Variants in TASOR observed in about 807,000 individuals in gnomAD.
The protein encoded by TASOR is protein TASOR.
In TASOR, 53 loss-of-function variants were observed where a neutral mutation model predicts 178.6. The ratio of observed to expected loss-of-function variants is 0.30; its 90% CI spans 0.24 to 0.37. The LOEUF (loss-of-function observed/expected upper bound fraction) is 0.37, where lower values mean the gene tolerates loss of function less well. Among genes scored for constraint, TASOR ranks in the 10% least tolerant of loss-of-function variants. The pLI, the probability that TASOR is intolerant of heterozygous loss-of-function variation, is 1.00. For synonymous variants in TASOR, 713 were observed against 696.2 expected (o/e 1.02, Z -0.38); for missense variants, 1,815 against 1,971.4 (o/e 0.92, Z 1.50).
At chr3:56,653,350 G>GAA (rs35828332) in intron 11 of TASOR, among the ~76,000 whole-genome samples, 7 of 132,048 alleles carry the variant, frequency 5.3e-5, no homozygotes, top group Non-Finnish European at 1.1e-4. Context: ...TAATTTTCCA[G>GAA]AAAAAAAGAC....
At chr3:56,642,118 T>C (rs984653831) in intron 14 of TASOR, among the ~76,000 whole-genome samples, 1 of 152,246 alleles carries the variant, frequency 6.6e-6, no homozygotes, top group African/African-American at 2.4e-5. Context: ...TAGGATTATA[T>C]GTGTATTACA....
At chr3:56,648,625 CTG>C (rs1244547484) in intron 13 of TASOR, among the ~76,000 whole-genome samples, 195 bp downstream of exon 13, 2 of 62,956 alleles carry the variant, frequency 3.2e-5, no homozygotes, top group East Asian at 1.1e-3. Context: ...GAGCAAAACT[CTG>C]TATCAAAAAA....
intron 17 of TASOR, among the ~76,000 whole-genome samples, chr3:56,634,886 A>T (rs182296787): frequency 6.6e-6 from 1 of 152,332 alleles, no homozygotes; most frequent in Non-Finnish European, 1.5e-5. Context: ...GGGGAAAAAT[A>T]TATTTAACTT....
chr3:56,647,168 A>G lies in TASOR; in HGVS notation c.1569T>C (p.Asp523=). 1 of 1,595,782 alleles carries G rather than the reference A, an allele frequency of 6.3e-7. No homozygotes were observed. Among genetic ancestry groups the G allele is most frequent in the Non-Finnish European group, 8.5e-7 (1 of 1,174,938 alleles). Residue 523 remains aspartate, a synonymous_variant, in exon 14 of 24, where the codon GAT becomes GAC. Coordinates refer to ENST00000683822, the MANE Select transcript of TASOR (RefSeq NM_001365635.2). ...GTAAAAACTGAGCTATTTTTAATAC[A>G]TCTGGCATGCTCTCATGCCTCTCCT... ...APQERHESMP[D]VLKIAQFLQF... is the part of the protein sequence containing the mutation.
At chr3:56,638,971 T>C (rs912374036) in intron 16 of TASOR, among the ~76,000 whole-genome samples, 3 of 152,226 alleles carry the variant, frequency 2.0e-5, no homozygotes, top group Non-Finnish European at 4.4e-5. Flanking sequence ...GGTGTCTAAA[T>C]GAGAAACGGT....
chr3:56,671,476 C>T, intron 3 of TASOR, 124 bp downstream of exon 3: 1 of 622,028 alleles, frequency 1.6e-6, no homozygotes, highest in Non-Finnish European at 2.7e-6. Flanking sequence ...CCCATTAAAT[C>T]ATGTATTCCA....
chr3:56,675,240 T>C (rs985561045), intron 1 of TASOR, among the ~76,000 whole-genome samples: 1 of 151,580 alleles, frequency 6.6e-6, no homozygotes, highest in Non-Finnish European at 1.5e-5. Context: ...AGTGGCACGA[T>C]TTTGGTTCAC....
Position 56,631,589 on chromosome 3 carries a change from T to TTTG in TASOR, c.3747+1454_3747+1455insCAA, listed in dbSNP as rs67493878. On this transcript the variant is annotated intron_variant, in intron 18 of 23. Coordinates refer to ENST00000683822, the MANE Select transcript of TASOR (RefSeq NM_001365635.2). The stretch of plus-strand genomic sequence containing the variant: ...GTGTGTGTCTGTGTTTTTTTGTTTT[T>TTTG]TTTTTTTTTTTTGAGATGGAGTCTT... 2.3e-3 allele frequency among the ~76,000 whole-genome samples: 276 copies of TTTG among 120,794 alleles called. 3 individuals carry two copies. Among genetic ancestry groups the TTTG allele is most frequent in the Admixed American group, 6.4e-3 (69 of 10,826 alleles). The allele number at this position is 120,794 out of a possible 152,430, so 79.2% of individuals were successfully genotyped here. A position where few individuals can be genotyped will look rare whatever the true frequency, so the allele number is the denominator to read the frequency against.
chr3:56,663,364 T>C lies in TASOR; in HGVS notation c.1054+177A>G, dbSNP rs570686932. Among the ~76,000 whole-genome samples the C allele has an allele frequency of 3.3e-5, 5 of 152,326 alleles. No homozygotes were observed. In the South Asian group the frequency reaches 1.0e-3, roughly 32 times the overall value. ...CTAAAACCTTTCAGTCTATTCACAGTAGCAGATTTTCAAAGGAGATCTTAT... is the reference window on the plus strand; with the variant it reads ...CTAAAACCTTTCAGTCTATTCACAGCAGCAGATTTTCAAAGGAGATCTTAT... On this transcript the variant is annotated intron_variant, in intron 8 of 23. Transcript: ENST00000683822.
At position 56,646,413 on chromosome 3, in the gene TASOR, T is replaced by G. The variant is rs543189054; in HGVS notation, c.2215+109A>C. ...AATACAACTTTCTTTACAAAAATAG[T>G]GGACAGGCTGAATTTGACCCTCAGG... On this transcript the variant is annotated intron_variant, in intron 14 of 23. Transcript: ENST00000683822. 3 of 837,414 alleles carry G rather than the reference T, an allele frequency of 3.6e-6. No individual in the cohort carries two copies. In the East Asian group the frequency reaches 7.6e-5, roughly 21 times the overall value. 51.9% of individuals were successfully genotyped at this position (837,414 alleles called of 1,614,324 possible). A position where few individuals can be genotyped will look rare whatever the true frequency, so the allele number is the denominator to read the frequency against.
chr3:56,646,657 T>C lies in TASOR; in HGVS notation c.2080A>G (p.Ser694Gly). ...TCTGTGTCTGAGTCCCCACCCACAC[T>C]CTTTTTCCTACACTGAATTAAATTA... The part of the protein sequence containing the change: ...LINLIQCRKK[S>G]VGGDSDTEDM... The change falls in exon 14 of 24, where the codon AGT becomes GGT. Residue 694 changes from serine to glycine, a missense_variant. By Grantham distance (56) the Ser-to-Gly change is moderately conservative. Coordinates refer to ENST00000683822, the MANE Select transcript of TASOR (RefSeq NM_001365635.2). 1.2e-6 allele frequency: 2 copies of C among 1,613,806 alleles called. No individual in the cohort carries two copies. The highest frequency in any genetic ancestry group is 2.2e-5 in the East Asian group (1 of 44,874).
At chr3:56,655,532 G>C (rs6445810) in intron 11 of TASOR, among the ~76,000 whole-genome samples, 93,799 of 151,968 alleles carry the variant, frequency 0.62, 31,561 homozygotes, top group East Asian at 0.96. Context: ...TTTGGGAGGT[G>C]GAGGCATGAG....
intron 21 of TASOR, among the ~76,000 whole-genome samples, chr3:56,626,584 A>T (rs906440880): frequency 6.6e-6 from 1 of 152,100 alleles, no homozygotes; most frequent in Admixed American, 6.5e-5. Context: ...CTCTACTAAA[A>T]ATACAAAAAT....
In TASOR at chr3:56,627,133, T is replaced by A. The variant is rs199831929; in HGVS notation, c.4043A>T (p.Asn1348Ile). 166 of 1,601,962 alleles carry A rather than the reference T, an allele frequency of 1.0e-4. 2 individuals carry two copies. Among genetic ancestry groups the A allele is most frequent in the African/African-American group, 6.6e-4 (49 of 74,596 alleles). The change falls in exon 21 of 24, where the codon AAT (asparagine) becomes ATT (isoleucine). Residue 1348 changes from asparagine (N) to isoleucine (I), a missense_variant. Physicochemically the swap from Asn to Ile is moderately radical, Grantham distance 149. Around this residue, in one of 5 missense-constraint regions of TASOR, gnomAD observed 134 missense variants for 195.2 expected, o/e 0.69. Coordinates refer to ENST00000683822, the MANE Select transcript of TASOR (RefSeq NM_001365635.2). ...AAGTTCCTCAAGGAATGTCAAAAAA[T>A]TTTTAAGGTTCTCTGTTAGAGATAA... ...PEVVTVENLK[N>I]FLTFLEELST...
intron 8 of TASOR, 48 bp from the exon 9 acceptor site, chr3:56,662,538 G>T: frequency 1.1e-6 from 1 of 905,064 alleles, no homozygotes; most frequent in Non-Finnish European, 1.7e-6. Flanking sequence ...TGGCAGCCCA[G>T]AGAAGTGAGT....
rs546548226 is a variant in TASOR, at chr3:56,623,612, T to C, written c.4484-46A>G. 5 of 1,540,214 alleles carry C rather than the reference T, an allele frequency of 3.2e-6. No individual in the cohort carries two copies. The African/African-American group carries it at 6.9e-5, about 21-fold the overall frequency. On this transcript the variant is annotated intron_variant, in intron 23 of 23. Coordinates refer to ENST00000683822, the MANE Select transcript of TASOR (RefSeq NM_001365635.2). ...GTCCTCCTCTATTGAAATACACAGT[T>C]TGTTTAAGTTTTAAAATTATACACT... is the stretch of plus-strand genomic sequence containing the variant.
chr3:56,681,180 G>GA (rs1351365512), intron 1 of TASOR, among the ~76,000 whole-genome samples: 2 of 150,756 alleles, frequency 1.3e-5, no homozygotes, highest in Non-Finnish European at 3.0e-5. Context: ...AAGCTGTGAA[G>GA]AAAAAAAATA....
intron 16 of TASOR, 30 bp downstream of exon 16, chr3:56,639,956 C>T (rs767034649): frequency 5.7e-6 from 9 of 1,576,754 alleles, no homozygotes; most frequent in Admixed American, 5.7e-5. Flanking sequence ...TAAAATGAAG[C>T]AAACACAAGT....
intron 13 of TASOR, among the ~76,000 whole-genome samples, chr3:56,648,509 T>TA (rs2077281829): frequency 6.6e-6 from 1 of 150,748 alleles, no homozygotes; most frequent in Non-Finnish European, 1.5e-5. Flanking sequence ...AGATGCCTTG[T>TA]AATCCCAGCT....
Sources: gnomAD v4.1 joint callset for allele counts (sites outside exome capture counted in the v4.1 genomes callset) on GRCh38, gnomAD v4.1.1 for gene constraint, gnomAD v4.1.1 regional missense constraint, MANE v1.5 for transcripts, NCBI Gene and HGNC (gene_info 2026-07-23, HGNC 2026-07-21) for gene names.